The following GRIK1 variants were observed in gnomAD, a reference collection of about 807,000 sequenced individuals.
GRIK1 encodes the protein glutamate ionotropic receptor kainate type subunit 1, also known as glutamate receptor ionotropic, kainate 1.
In GRIK1, 69 loss-of-function variants were observed where a neutral mutation model predicts 105.7. That is an observed-to-expected ratio of 0.65 (90% confidence interval 0.54 to 0.80). GRIK1 has a LOEUF of 0.80. Ranked by LOEUF, GRIK1 falls within the 30% of genes least tolerant of loss-of-function variation. The pLI, the probability that GRIK1 is intolerant of heterozygous loss-of-function variation, is 0.00. For missense variants in GRIK1, 1,109 were observed against 1,167.3 expected (o/e 0.95, Z 0.73); for synonymous variants, 438 against 431.3 (o/e 1.02, Z -0.19).
intron 1 of GRIK1, among the ~76,000 whole-genome samples, chr21:29,788,737 CTGAGGG>C (rs1476117869): frequency 1.3e-5 from 2 of 152,172 alleles, no homozygotes; most frequent in African/African-American, 4.8e-5. Context: ...ACAGTCTCAT[CTGAGGG>C]TGATGGGAGA....
intron 1 of GRIK1, among the ~76,000 whole-genome samples, chr21:29,839,058 T>TC (rs1013555120): frequency 1.3e-5 from 2 of 151,992 alleles, no homozygotes; most frequent in African/African-American, 4.8e-5. Context: ...TCTTTTCTTT[T>TC]CTTTTTTTTG....
At chr21:29,860,516 A>G (rs1213874558) in intron 1 of GRIK1, among the ~76,000 whole-genome samples, 1 of 152,204 alleles carries the variant, frequency 6.6e-6, no homozygotes, top group African/African-American at 2.4e-5. Flanking sequence ...GACTTGAACC[A>G]CAGGGACAAA....
At chr21:29,716,744 A>G (rs1295317862) in intron 1 of GRIK1, among the ~76,000 whole-genome samples, 3 of 152,240 alleles carry the variant, frequency 2.0e-5, no homozygotes, top group Non-Finnish European at 4.4e-5. Context: ...AAAAATTTGT[A>G]GCCTGACAAT....
chr21:29,815,951 A>G (rs1361980454), intron 1 of GRIK1, among the ~76,000 whole-genome samples: 1 of 152,134 alleles, frequency 6.6e-6, no homozygotes, highest in Non-Finnish European at 1.5e-5. Context: ...TAGACAAATG[A>G]GACCATATTA....
intron 1 of GRIK1, among the ~76,000 whole-genome samples, chr21:29,916,028 G>A (rs1033586775): frequency 6.6e-5 from 10 of 151,862 alleles, no homozygotes; most frequent in African/African-American, 2.2e-4. Flanking sequence ...CTCTGTAAAA[G>A]GCCAAGGTGA....
At chr21:29,692,889 A>G (rs1356909601) in intron 2 of GRIK1, among the ~76,000 whole-genome samples, 2 of 152,182 alleles carry the variant, frequency 1.3e-5, no homozygotes, top group Non-Finnish European at 2.9e-5. Flanking sequence ...TTAATTTTTT[A>G]TCTGTGCTCC....
chr21:29,751,232 T>G (rs1334738416), intron 1 of GRIK1, among the ~76,000 whole-genome samples: 1 of 152,194 alleles, frequency 6.6e-6, no homozygotes, highest in Non-Finnish European at 1.5e-5. Context: ...GCCTGACAGA[T>G]ACAACATTTG....
chr21:29,733,524 T>C (rs2064693890), intron 1 of GRIK1, among the ~76,000 whole-genome samples: 1 of 152,066 alleles, frequency 6.6e-6, no homozygotes, highest in African/African-American at 2.4e-5. Context: ...AAAAAAATTG[T>C]TGTAATTAAA....
At chr21:29,599,070 C>T in intron 7 of GRIK1, 133 bp from the exon 8 acceptor site, 1 of 540,898 alleles carries the variant, frequency 1.8e-6, no homozygotes, top group South Asian at 2.9e-5. Flanking sequence ...TAAACCATTG[C>T]ATTGGTTCAG....
At chr21:29,700,263 C>T (rs1047020417) in intron 1 of GRIK1, among the ~76,000 whole-genome samples, 3 of 152,068 alleles carry the variant, frequency 2.0e-5, no homozygotes, top group Non-Finnish European at 4.4e-5. Flanking sequence ...TGGCAGGTGG[C>T]CTTTAAGGGG....
intron 7 of GRIK1, among the ~76,000 whole-genome samples, chr21:29,627,394 A>G (rs950609691): frequency 1.3e-5 from 2 of 152,216 alleles, no homozygotes; most frequent in Non-Finnish European, 1.5e-5. Flanking sequence ...AGTAGAGGGA[A>G]GGTACCAAGA....
chr21:29,788,166 A>C (rs1022389069), intron 1 of GRIK1, among the ~76,000 whole-genome samples: 2 of 152,230 alleles, frequency 1.3e-5, no homozygotes, highest in African/African-American at 4.8e-5. Flanking sequence ...AGATGACAAA[A>C]CAATTCCAAA....
chr21:29,797,085 A>T (rs144821673), intron 1 of GRIK1, among the ~76,000 whole-genome samples: 3 of 152,338 alleles, frequency 2.0e-5, no homozygotes, highest in African/African-American at 7.2e-5. Context: ...TATTATCAGG[A>T]AATCAGGTAG....
intron 1 of GRIK1, among the ~76,000 whole-genome samples, chr21:29,921,942 T>A (rs2071207134): frequency 6.6e-6 from 1 of 152,152 alleles, no homozygotes; most frequent in Non-Finnish European, 1.5e-5. Context: ...GTAAGTAGAT[T>A]TACCTTTGCT....
chr21:29,906,627 T>G (rs1483648814), intron 1 of GRIK1, among the ~76,000 whole-genome samples: 3 of 152,044 alleles, frequency 2.0e-5, no homozygotes, highest in African/African-American at 7.3e-5. Context: ...TAAGAAATAG[T>G]TGAAGGCAAC....
rs1216583659 is a variant in GRIK1, at chr21:29,782,086, C to T, written c.119-88023G>A. The stretch of plus-strand genomic sequence containing the variant: ...TGTCCCGTATACAACACTGCAACAC[C>T]TTTTTTTTTTTTTTTTCTGAGACGG... On this transcript the variant is annotated intron_variant, in intron 1 of 17. Coordinates refer to ENST00000327783, the MANE Select transcript of GRIK1 (RefSeq NM_001330994.2). Among the ~76,000 whole-genome samples, 6 of 136,968 alleles carry T rather than the reference C, an allele frequency of 4.4e-5. No homozygotes were observed. The South Asian group carries it at 1.4e-3, about 32-fold the overall frequency. The allele number at this position is 136,968 out of a possible 152,430, so 89.9% of individuals were successfully genotyped here. A position where few individuals can be genotyped will look rare whatever the true frequency, so the allele number is the denominator to read the frequency against.
rs2300317 is a variant in GRIK1 at position 29,707,055 on chromosome 21, A to G, written c.119-12992T>C. 0.01 allele frequency among the ~76,000 whole-genome samples: 1,557 copies of G among 151,658 alleles called. 90 individuals are homozygous for G. The East Asian group carries it at 0.18, about 18-fold the overall frequency. ...AATGTTTTGTATTTTTAGTAGAGAC[A>G]GGGTTTCACCATGTTAGGCAGGATG... On this transcript the variant is annotated intron_variant, in intron 1 of 17. Coordinates refer to ENST00000327783, the MANE Select transcript of GRIK1 (RefSeq NM_001330994.2).
At chr21:29,836,668 CAT>C (rs752588144) in intron 1 of GRIK1, among the ~76,000 whole-genome samples, 2,210 of 150,882 alleles carry the variant, frequency 0.015, 54 homozygotes, top group African/African-American at 0.051. Context: ...TGTAATGTTG[CAT>C]ATATATATAT....
chr21:29,814,502 G>A (rs17189233), intron 1 of GRIK1, among the ~76,000 whole-genome samples: 2,440 of 152,094 alleles, frequency 0.016, 34 homozygotes, highest in Middle Eastern at 0.041. Context: ...AGCCTAATTG[G>A]CAGCATCGTA....
Sources: allele counts gnomAD v4.1 joint callset (sites outside exome capture counted in the v4.1 genomes callset), GRCh38; gene constraint gnomAD v4.1.1; transcripts MANE v1.5; gene names NCBI Gene and HGNC (gene_info 2026-07-23, HGNC 2026-07-21).